Variants in DLG2 observed in about 807,000 individuals in gnomAD.
The protein encoded by DLG2 is discs large MAGUK scaffold protein 2, also known as disks large homolog 2.
A neutral mutation model predicts 132.5 loss-of-function variants in DLG2; 45 were observed. The ratio of observed to expected loss-of-function variants is 0.34; its 90% CI spans 0.27 to 0.44. DLG2 has a LOEUF of 0.44. Among genes scored for constraint, DLG2 ranks in the 20% least tolerant of loss-of-function variants. DLG2 has a pLI of 1.00. For synonymous variants in DLG2, 424 were observed against 419.6 expected, an observed-to-expected ratio of 1.01 and a Z score of -0.13; for missense variants, 1,045 against 1,196.9, an observed-to-expected ratio of 0.87 and a Z score of 1.87.
intron 7 of DLG2, among the ~76,000 whole-genome samples, chr11:84,419,793 A>G (rs1239635164): frequency 2.0e-5 from 3 of 152,164 alleles, no homozygotes; most frequent in Non-Finnish European, 4.4e-5. Flanking sequence ...ACAAAAGGCT[A>G]CCCATTTTGC....
chr11:84,305,582 G>C (rs1003489431), intron 7 of DLG2, among the ~76,000 whole-genome samples: 1 of 152,104 alleles, frequency 6.6e-6, no homozygotes, highest in South Asian at 2.1e-4. Context: ...GCCAGTAAGA[G>C]AGTCATCTAG....
At chr11:85,060,869 TG>T (rs940487781) in intron 6 of DLG2, among the ~76,000 whole-genome samples, 65 of 151,640 alleles carry the variant, frequency 4.3e-4, no homozygotes, top group African/African-American at 1.5e-3. Flanking sequence ...CTTTTTTTGT[TG>T]TTTTTTTTTG....
chr11:84,064,204 T>A (rs2154136476), intron 10 of DLG2, among the ~76,000 whole-genome samples: 1 of 152,316 alleles, frequency 6.6e-6, no homozygotes, highest in Non-Finnish European at 1.5e-5. Context: ...TCATTTAAAA[T>A]GATCATCAAG....
At chr11:84,383,865 T>C (rs765287144) in intron 7 of DLG2, among the ~76,000 whole-genome samples, 5 of 151,994 alleles carry the variant, frequency 3.3e-5, no homozygotes, top group Non-Finnish European at 7.4e-5. Flanking sequence ...ATAATAAACA[T>C]GGTTTGTTTC....
chr11:84,340,016 T>A (rs1173176035), intron 7 of DLG2, among the ~76,000 whole-genome samples: 2 of 152,224 alleles, frequency 1.3e-5, no homozygotes, highest in African/African-American at 4.8e-5. Flanking sequence ...TTTGCTGAAC[T>A]GTTTGAACCC....
chr11:83,896,267 A>G (rs1252957626), intron 15 of DLG2, among the ~76,000 whole-genome samples: 1 of 152,234 alleles, frequency 6.6e-6, no homozygotes, highest in Admixed American at 6.5e-5. Context: ...TATTGAAGGT[A>G]TCTAGTTGAA....
At chr11:84,917,197 A>G (rs568050476) in intron 6 of DLG2, among the ~76,000 whole-genome samples, 1 of 152,330 alleles carries the variant, frequency 6.6e-6, no homozygotes, top group East Asian at 1.9e-4. Flanking sequence ...AATAGGTACT[A>G]TATCAAATAT....
chr11:83,648,176 A>C (rs1427984344), intron 18 of DLG2: 1 of 152,158 alleles, frequency 6.6e-6, no homozygotes, highest in East Asian at 1.9e-4. Context: ...CACAGGCAAG[A>C]AAATAGACAG....
At chr11:83,573,541 G>A (rs767171670) in intron 19 of DLG2, among the ~76,000 whole-genome samples, 13 of 152,000 alleles carry the variant, frequency 8.6e-5, no homozygotes, top group African/African-American at 1.4e-4. Context: ...TACACTGCCC[G>A]TCCCAGAAAA....
At chr11:83,736,291 C>T (rs1426828881) in intron 18 of DLG2, among the ~76,000 whole-genome samples, 2 of 152,126 alleles carry the variant, frequency 1.3e-5, no homozygotes, top group African/African-American at 4.8e-5. Context: ...TTCTCTGTCT[C>T]TCAGTGTCCT....
At chr11:85,181,802 G>T (rs187748766) in intron 4 of DLG2, among the ~76,000 whole-genome samples, 1 of 151,358 alleles carries the variant, frequency 6.6e-6, no homozygotes, top group Non-Finnish European at 1.5e-5. Flanking sequence ...CTATTAGCTC[G>T]ATATTTTCAA....
At chr11:85,305,576 G>A (rs1465843107) in intron 3 of DLG2, among the ~76,000 whole-genome samples, 1 of 151,960 alleles carries the variant, frequency 6.6e-6, no homozygotes, top group Non-Finnish European at 1.5e-5. Context: ...GCAGTGGCGC[G>A]ATCTCGGCTC....
At chr11:85,024,343 C>A (rs191993245) in intron 6 of DLG2, among the ~76,000 whole-genome samples, 2 of 152,212 alleles carry the variant, frequency 1.3e-5, no homozygotes, top group South Asian at 2.1e-4. Context: ...AACATGACAA[C>A]CTTTGTTAAA....
At chr11:84,315,253 A>AT (rs1371599235) in intron 7 of DLG2, among the ~76,000 whole-genome samples, 1 of 152,170 alleles carries the variant, frequency 6.6e-6, no homozygotes, top group Non-Finnish European at 1.5e-5. Flanking sequence ...CCCTCAGTTG[A>AT]TGAAAAAATA....
At chr11:85,377,637 A>C (rs954985556) in intron 3 of DLG2, among the ~76,000 whole-genome samples, 2 of 151,932 alleles carry the variant, frequency 1.3e-5, no homozygotes, top group African/African-American at 4.8e-5. Flanking sequence ...TAATTCATTC[A>C]AGTTTGCTCA....
intron 18 of DLG2, among the ~76,000 whole-genome samples, chr11:83,757,045 G>A (rs1416686257): frequency 1.3e-5 from 2 of 152,186 alleles, no homozygotes; most frequent in East Asian, 3.8e-4. Flanking sequence ...GTTATCACCT[G>A]TCCTATTCAC....
intron 19 of DLG2, among the ~76,000 whole-genome samples, chr11:83,553,953 T>G (rs1157035473): frequency 6.7e-6 from 1 of 150,260 alleles, no homozygotes; most frequent in Admixed American, 6.7e-5. Context: ...TAGAGTGCAG[T>G]GGCGCAATCA....
chr11:85,223,735 G>T (rs1232099512), intron 4 of DLG2, among the ~76,000 whole-genome samples: 2 of 152,054 alleles, frequency 1.3e-5, no homozygotes, highest in African/African-American at 4.8e-5. Flanking sequence ...CCTCACTTTG[G>T]CCATCAAGAA....
At chr11:85,187,184 T>C (rs2080175095) in intron 4 of DLG2, among the ~76,000 whole-genome samples, 1 of 152,098 alleles carries the variant, frequency 6.6e-6, no homozygotes, top group Admixed American at 6.6e-5. Context: ...GGGAAATCTA[T>C]AGAATAAAAC....
Sources: gnomAD v4.1 joint callset for allele counts (sites outside exome capture counted in the v4.1 genomes callset) on GRCh38, gnomAD v4.1.1 for gene constraint, MANE v1.5 for transcripts, NCBI Gene and HGNC (gene_info 2026-07-23, HGNC 2026-07-21) for gene names.